The following FGD5 variants were observed in gnomAD, a reference collection of about 807,000 sequenced individuals.
The protein encoded by FGD5 is FYVE, RhoGEF and PH domain containing 5, also known as FYVE, RhoGEF and PH domain-containing protein 5.
In FGD5, 28 loss-of-function variants were observed where a neutral mutation model predicts 133.4. That is an observed-to-expected ratio of 0.21 (90% CI 0.16 to 0.29). FGD5 has a LOEUF of 0.29. Among genes scored for constraint, FGD5 ranks in the 10% least tolerant of loss-of-function variants. The probability of loss-of-function intolerance (pLI) is 1.00; values close to 1 mark genes in which losing one functional copy is unlikely to be tolerated. For missense variants in FGD5, 1,858 were observed against 1,895.2 expected, an observed-to-expected ratio of 0.98 and a Z score of 0.36; for synonymous variants, 810 against 776.5, an observed-to-expected ratio of 1.04 and a Z score of -0.72.
chr3:14,885,107 T>G (rs754263708), intron 4 of FGD5, among the ~76,000 whole-genome samples: 3 of 151,516 alleles, frequency 2.0e-5, no homozygotes, highest in Non-Finnish European at 2.9e-5. Context: ...CTTCCAAATA[T>G]ACTCTTTTGA....
chr3:14,926,226 C>G, intron 18 of FGD5, 28 bp downstream of exon 18: 1 of 1,610,880 alleles, frequency 6.2e-7, no homozygotes, highest in South Asian at 1.1e-5. Context: ...TCTCTCCCCT[C>G]TCCTCTCTCC....
Position 14,910,836 on chromosome 3 carries a change from C to T in FGD5, c.3337-25C>T, listed in dbSNP as rs368520594. The T allele has an allele frequency of 7.4e-5, 119 of 1,609,850 alleles. 1 individual carries two copies. In the African/African-American group the frequency reaches 1.4e-3, roughly 19 times the overall value. The stretch of plus-strand genomic sequence containing the variant: ...GATTCAGGGGGCATCAGCCTGACCG[C>T]CAAGTTCTGCTTCTCTCCCCACAGG... On this transcript the variant is annotated intron_variant, in intron 10 of 19. Coordinates refer to ENST00000285046, the MANE Select transcript of FGD5 (RefSeq NM_152536.4).
In FGD5 at chr3:14,874,537, A is replaced by G. The variant is rs963176104; in HGVS notation, c.2659-6035A>G. ...CTAATTCACAGAAGCAAGGAGTAGAATAGTGGTTGCCGGGGGTGGAGGGAG... is the reference window on the plus strand; with the variant it reads ...CTAATTCACAGAAGCAAGGAGTAGAGTAGTGGTTGCCGGGGGTGGAGGGAG... On this transcript the variant is annotated intron_variant, in intron 2 of 19. Transcript: ENST00000285046. 3.3e-5 allele frequency among the ~76,000 whole-genome samples: 5 copies of G among 152,150 alleles called. No homozygotes were observed. The South Asian group carries it at 8.3e-4, about 25-fold the overall frequency.
At chr3:14,911,412 G>A (rs1316671121) in intron 11 of FGD5, among the ~76,000 whole-genome samples, 2 of 152,070 alleles carry the variant, frequency 1.3e-5, no homozygotes, top group Admixed American at 6.5e-5. Context: ...TATCTTTATC[G>A]GCCTTAGTGG....
chr3:14,825,129 A>G (rs934141614), intron 1 of FGD5, among the ~76,000 whole-genome samples: 4 of 152,246 alleles, frequency 2.6e-5, no homozygotes, highest in Admixed American at 2.0e-4. Context: ...GGTGAGTAGC[A>G]GCTCAGGGTC....
At chr3:14,863,467 C>T (rs1347332465) in intron 1 of FGD5, among the ~76,000 whole-genome samples, 1 of 152,208 alleles carries the variant, frequency 6.6e-6, no homozygotes, top group African/African-American at 2.4e-5. Context: ...TTAAAGCAGA[C>T]AGTCAGTAAA....
intron 2 of FGD5, among the ~76,000 whole-genome samples, chr3:14,870,895 G>A (rs1687291): frequency 0.14 from 21,908 of 152,152 alleles, 1,914 homozygotes; most frequent in East Asian, 0.39. Context: ...AATTCCTGAC[G>A]TGTCATCTTC....
At chr3:14,849,737 G>A (rs1464573743) in intron 1 of FGD5, among the ~76,000 whole-genome samples, 6 of 152,096 alleles carry the variant, frequency 3.9e-5, no homozygotes, top group African/African-American at 1.2e-4. Context: ...TTCAGATCCT[G>A]GCCCTGAACT....
At position 14,859,950 on chromosome 3, in the gene FGD5, A is replaced by C. The variant is rs1250577780; in HGVS notation, c.2526-4178A>C. Among the ~76,000 whole-genome samples the C allele has an allele frequency of 6.6e-5, 10 of 152,358 alleles. No homozygotes were observed. The East Asian group carries it at 1.7e-3, about 26-fold the overall frequency. On this transcript the variant is annotated intron_variant, in intron 1 of 19. Coordinates refer to ENST00000285046, the MANE Select transcript of FGD5 (RefSeq NM_152536.4). ...TTTCCATGTCATTAAATATATTCAT[A>C]TATAATAACCATAATATATTAGTAT...
intron 2 of FGD5, among the ~76,000 whole-genome samples, chr3:14,876,416 T>C (rs563037299): frequency 1.8e-4 from 27 of 152,198 alleles, no homozygotes; most frequent in African/African-American, 6.0e-4. Flanking sequence ...ATCTCTGCAA[T>C]GTTTACCACA....
intron 4 of FGD5, 195 bp from the exon 5 acceptor site, chr3:14,897,314 G>C: frequency 1.6e-6 from 1 of 615,800 alleles, no homozygotes; most frequent in Non-Finnish European, 2.7e-6. Context: ...GTCAGCTCAG[G>C]CAGCCCTATG....
chr3:14,895,971 G>A lies in FGD5; in HGVS notation c.2749-1538G>A, dbSNP rs538533658. On this transcript the variant is annotated intron_variant, in intron 4 of 19. Transcript: ENST00000285046. ...CAGAGTCAGCATACAAAAATCAGTA[G>A]CATTTCCATATACCCAAAGTGAACA... is the stretch of plus-strand genomic sequence containing the variant. Among the ~76,000 whole-genome samples the A allele has an allele frequency of 2.0e-4, 31 of 151,658 alleles. No individual in the cohort carries two copies. The South Asian group carries it at 6.3e-3, about 31-fold the overall frequency.
intron 18 of FGD5, among the ~76,000 whole-genome samples, chr3:14,927,642 C>CA (rs2038829644): frequency 6.6e-6 from 1 of 152,170 alleles, no homozygotes; most frequent in Admixed American, 6.5e-5. Flanking sequence ...GCACTGTCTA[C>CA]ACCACTGTGC....
chr3:14,820,801 A>T lies in FGD5; in HGVS notation c.1730A>T (p.Lys577Met). ...TCAGGGTTGGATGACCACAGGATAA[A>T]GAGGAAAGAGGACAATCTCTCTCTG... ...EGSGLDDHRI[K>M]RKEDNLSLSC... Residue 577 changes from lysine to methionine, a missense_variant, in exon 1 of 20, where the codon AAG (lysine) becomes ATG (methionine). Lys to Met is a moderately conservative substitution (Grantham distance 95). Coordinates refer to ENST00000285046, the MANE Select transcript of FGD5 (RefSeq NM_152536.4). 6.2e-7 allele frequency: 1 copy of T among 1,613,860 alleles called. No individual in the cohort carries two copies. Among genetic ancestry groups the T allele is most frequent in the Non-Finnish European group, 8.5e-7 (1 of 1,179,852 alleles).
chr3:14,825,493 G>A (rs558630497), intron 1 of FGD5, among the ~76,000 whole-genome samples: 48 of 151,674 alleles, frequency 3.2e-4, no homozygotes, highest in Non-Finnish European at 5.6e-4. Flanking sequence ...ACACGCACAC[G>A]TGTATAAATA....
intron 4 of FGD5, among the ~76,000 whole-genome samples, chr3:14,888,013 A>T (rs1002982604): frequency 2.0e-5 from 3 of 149,964 alleles, no homozygotes; most frequent in African/African-American, 7.4e-5. Context: ...AAAAAAAAAA[A>T]TTTTTTTTTA....
At chr3:14,829,804 C>A (rs2125076055) in intron 1 of FGD5, among the ~76,000 whole-genome samples, 1 of 152,238 alleles carries the variant, frequency 6.6e-6, no homozygotes, top group African/African-American at 2.4e-5. Flanking sequence ...ATAAGCATCC[C>A]CTCCTTCCTC....
rs372502407 is a variant in FGD5, at chr3:14,921,908, A to G, written c.3570-10A>G. ...CTCCTGCCTTTGCTCACTCCAGCCC[A>G]TGCCCGCAGCTCCTGTGCAGAGAGG... On this transcript the variant is annotated splice_polypyrimidine_tract_variant and intron_variant, in intron 13 of 19. Coordinates refer to ENST00000285046, the MANE Select transcript of FGD5 (RefSeq NM_152536.4). 51 of 1,558,714 alleles carry G rather than the reference A, an allele frequency of 3.3e-5. 1 individual carries two copies. In the African/African-American group the frequency reaches 6.3e-4, roughly 19 times the overall value.
chr3:14,862,972 C>T (rs1486275730), intron 1 of FGD5, among the ~76,000 whole-genome samples: 1 of 152,158 alleles, frequency 6.6e-6, no homozygotes, highest in Non-Finnish European at 1.5e-5. Context: ...ACTTGAGGAG[C>T]TCCAGGATAG....
Sources: gnomAD v4.1 joint callset for allele counts (sites outside exome capture counted in the v4.1 genomes callset) on GRCh38, gnomAD v4.1.1 for gene constraint, MANE v1.5 for transcripts, NCBI Gene and HGNC (gene_info 2026-07-23, HGNC 2026-07-21) for gene names.